Variants in ITPR2 observed in about 807,000 individuals in gnomAD.
ITPR2 encodes inositol 1,4,5-trisphosphate receptor type 2, also known as inositol 1,4,5-trisphosphate-gated calcium channel ITPR2.
In ITPR2, 207 loss-of-function variants were observed where a neutral mutation model predicts 317.1. That is an observed-to-expected ratio of 0.65 (90% CI 0.58 to 0.73). The LOEUF is 0.73. ITPR2 is among the 30% of genes least tolerant of loss of function. ITPR2 has a pLI of 0.00. For synonymous variants in ITPR2, 1,156 were observed against 1,149.1 expected, an observed-to-expected ratio of 1.01 and a Z score of -0.12; for missense variants, 2,613 against 3,284.0, an observed-to-expected ratio of 0.80 and a Z score of 4.99.
intron 37 of ITPR2, among the ~76,000 whole-genome samples, chr12:26,509,028 T>TGC (rs1943260653): frequency 1.3e-5 from 2 of 152,240 alleles, no homozygotes; most frequent in South Asian, 4.1e-4. Context: ...ATGTGGTATA[T>TGC]GCACATAATA....
chr12:26,399,764 T>C (rs1424906065), intron 53 of ITPR2, among the ~76,000 whole-genome samples: 1 of 152,222 alleles, frequency 6.6e-6, no homozygotes, highest in Non-Finnish European at 1.5e-5. Flanking sequence ...AGGCTATTCC[T>C]ATGCAGAAGC....
At chr12:26,584,181 T>C (rs1945465052) in intron 32 of ITPR2, among the ~76,000 whole-genome samples, 1 of 152,152 alleles carries the variant, frequency 6.6e-6, no homozygotes, top group Admixed American at 6.5e-5. Context: ...ACAGGGAATG[T>C]AGCAGGCAGG....
chr12:26,631,514 C>T (rs1055833929), intron 22 of ITPR2, among the ~76,000 whole-genome samples: 2 of 152,130 alleles, frequency 1.3e-5, no homozygotes, highest in Non-Finnish European at 2.9e-5. Flanking sequence ...GAGCTGGAAA[C>T]TAATCAATAA....
chr12:26,625,915 C>T (rs1021927653), intron 23 of ITPR2, among the ~76,000 whole-genome samples: 4 of 151,994 alleles, frequency 2.6e-5, no homozygotes, highest in African/African-American at 9.7e-5. Flanking sequence ...TGTCCCACAC[C>T]ACTAACATTT....
intron 21 of ITPR2, among the ~76,000 whole-genome samples, chr12:26,641,066 T>C (rs978667833): frequency 3.3e-5 from 5 of 152,126 alleles, no homozygotes; most frequent in Non-Finnish European, 7.4e-5. Context: ...CGTTGGAATG[T>C]GGAGAAAGAG....
At chr12:26,411,615 G>A (rs1388321776) in intron 51 of ITPR2, among the ~76,000 whole-genome samples, 1 of 152,174 alleles carries the variant, frequency 6.6e-6, no homozygotes, top group East Asian at 1.9e-4. Context: ...AGCTTCATAG[G>A]CCAACCCACT....
intron 41 of ITPR2, among the ~76,000 whole-genome samples, chr12:26,484,606 A>C (rs1197381946): frequency 6.6e-6 from 1 of 152,240 alleles, no homozygotes; most frequent in Non-Finnish European, 1.5e-5. Context: ...AAAACTATAA[A>C]AATTAGGTAC....
intron 52 of ITPR2, among the ~76,000 whole-genome samples, chr12:26,407,533 G>T (rs1031554434): frequency 6.6e-6 from 1 of 152,030 alleles, no homozygotes; most frequent in African/African-American, 2.4e-5. Flanking sequence ...TCATAAATAC[G>T]TAACAGAGAA....
chr12:26,361,147 G>A (rs1012570874), intron 55 of ITPR2, among the ~76,000 whole-genome samples: 4 of 151,850 alleles, frequency 2.6e-5, no homozygotes, highest in Admixed American at 6.6e-5. Flanking sequence ...CCCAGGAGGC[G>A]GAGGTTGCAG....
At chr12:26,365,977 C>A (rs187336536) in intron 55 of ITPR2, among the ~76,000 whole-genome samples, 166 of 152,214 alleles carry the variant, frequency 1.1e-3, no homozygotes, top group Non-Finnish European at 1.9e-3. Context: ...CGTAGAATAT[C>A]TTTAAAAAGG....
At chr12:26,812,392 C>A (rs1162970971) in intron 1 of ITPR2, among the ~76,000 whole-genome samples, 1 of 151,896 alleles carries the variant, frequency 6.6e-6, no homozygotes, top group Non-Finnish European at 1.5e-5. Flanking sequence ...TCCTGGCTAA[C>A]ACAGTGAAAC....
chr12:26,526,334 G>A (rs1943807626), intron 37 of ITPR2, among the ~76,000 whole-genome samples: 2 of 152,166 alleles, frequency 1.3e-5, no homozygotes, highest in Admixed American at 6.5e-5. Context: ...TATAAAAGGA[G>A]TCAGGCACAT....
At chr12:26,711,344 C>G (rs1170122016) in intron 8 of ITPR2, 76 bp from the exon 9 acceptor site, 32 of 948,330 alleles carry the variant, frequency 3.4e-5, no homozygotes, top group Non-Finnish European at 5.4e-5. Flanking sequence ...AGTTTACATG[C>G]CTGCCCTCCT....
chr12:26,363,429 C>T (rs1938903037), intron 55 of ITPR2, among the ~76,000 whole-genome samples: 1 of 152,176 alleles, frequency 6.6e-6, no homozygotes, highest in Middle Eastern at 3.2e-3. Context: ...GCACTTGAAT[C>T]ATCCCCAAAC....
intron 40 of ITPR2, 95 bp from the exon 41 acceptor site, chr12:26,486,455 T>C: frequency 3.0e-6 from 3 of 1,015,802 alleles, no homozygotes; most frequent in Non-Finnish European, 4.3e-6. Context: ...TCTCTAACAA[T>C]TGAATTAAAA....
intron 51 of ITPR2, among the ~76,000 whole-genome samples, chr12:26,414,050 T>TACACAC (rs777855580): frequency 0.1 from 14,412 of 138,020 alleles, 864 homozygotes; most frequent in South Asian, 0.15. Flanking sequence ...TGTATATATG[T>TACACAC]ACACACACAC....
intron 37 of ITPR2, among the ~76,000 whole-genome samples, chr12:26,528,174 TATTCCAGTTATGAACCTGAC>T (rs1943856475): frequency 6.6e-6 from 1 of 152,176 alleles, no homozygotes. Context: ...TCCAGTTGCA[TATTCCAGTTATGAACCTGAC>T]ATTCTGATCT....
chr12:26,662,662 T>C (rs548739382), intron 15 of ITPR2, among the ~76,000 whole-genome samples: 36 of 152,218 alleles, frequency 2.4e-4, no homozygotes, highest in Non-Finnish European at 4.1e-4. Context: ...TTGCAAAATA[T>C]TAAGCTTGTG....
At chr12:26,807,745 C>A (rs1402706379) in intron 1 of ITPR2, among the ~76,000 whole-genome samples, 1 of 152,138 alleles carries the variant, frequency 6.6e-6, no homozygotes, top group Non-Finnish European at 1.5e-5. Context: ...TGGTAAGGGA[C>A]ATTCAATGGA....
Sources: allele counts gnomAD v4.1 joint callset (sites outside exome capture counted in the v4.1 genomes callset), GRCh38; gene constraint gnomAD v4.1.1; transcripts MANE v1.5; gene names NCBI Gene and HGNC (gene_info 2026-07-23, HGNC 2026-07-21).